The following KIAA1217 variants were observed in gnomAD, a reference collection of about 807,000 sequenced individuals.
KIAA1217 encodes KIAA1217, also known as sickle tail protein homolog.
A neutral mutation model predicts 163.9 loss-of-function variants in KIAA1217; 88 were observed. The observed-to-expected ratio is 0.54, with a 90% CI of 0.45 to 0.64. KIAA1217 has a LOEUF of 0.64. Among genes scored for constraint, KIAA1217 ranks in the 30% least tolerant of loss-of-function variants. The pLI is 0.00. For synonymous variants in KIAA1217, 903 were observed against 923.1 expected (o/e 0.98, Z 0.39); for missense variants, 2,372 against 2,475.0 (o/e 0.96, Z 0.88).
intron 1 of KIAA1217, among the ~76,000 whole-genome samples, chr10:24,217,607 A>C (rs1267225448): frequency 6.6e-6 from 1 of 152,208 alleles, no homozygotes; most frequent in Non-Finnish European, 1.5e-5. Flanking sequence ...TTCTATATAC[A>C]GATCTTTCTA....
At chr10:23,959,246 T>TA (rs1844712045) in intron 1 of KIAA1217, among the ~76,000 whole-genome samples, 1 of 152,084 alleles carries the variant, frequency 6.6e-6, no homozygotes, top group South Asian at 2.1e-4. Flanking sequence ...TAATAAAAGA[T>TA]ATGCTGGGCA....
In KIAA1217 at chr10:23,852,762, A is replaced by G. The variant is rs1240173763; in HGVS notation, c.-320-154463A>G. On this transcript the variant is annotated intron_variant, in intron 1 of 18. Coordinates refer to the KIAA1217 transcript ENST00000376462. ...TGTAAGTTGGATTCCTAGGTATTTTATTCTCTTTGAAGCAATTGTGAATGG... is the reference window on the plus strand; with the variant it reads ...TGTAAGTTGGATTCCTAGGTATTTTGTTCTCTTTGAAGCAATTGTGAATGG... Among the ~76,000 whole-genome samples, 5 of 152,136 alleles carry G rather than the reference A, an allele frequency of 3.3e-5. No homozygotes were observed. The East Asian group carries it at 9.7e-4, about 29-fold the overall frequency.
At chr10:24,395,097 G>A (rs2130905061) in intron 3 of KIAA1217, among the ~76,000 whole-genome samples, 1 of 152,300 alleles carries the variant, frequency 6.6e-6, no homozygotes, top group Non-Finnish European at 1.5e-5. Flanking sequence ...GGTTATTTCA[G>A]TGACCACCAT....
chr10:24,224,809 C>A (rs1192832797), intron 2 of KIAA1217, among the ~76,000 whole-genome samples: 1 of 147,390 alleles, frequency 6.8e-6, no homozygotes, highest in African/African-American at 2.5e-5. Flanking sequence ...TAAATTAGTA[C>A]TTAAAATCAT....
intron 1 of KIAA1217, among the ~76,000 whole-genome samples, chr10:23,796,217 T>C (rs1836194983): frequency 6.6e-6 from 1 of 152,286 alleles, no homozygotes. Flanking sequence ...ATGTCTGGGT[T>C]CTGAGAGTCT....
At chr10:23,787,235 A>G (rs2130915090) in intron 1 of KIAA1217, among the ~76,000 whole-genome samples, 1 of 152,322 alleles carries the variant, frequency 6.6e-6, no homozygotes, top group Non-Finnish European at 1.5e-5. Flanking sequence ...AGTGTGATAA[A>G]TACAAAAATC....
intron 2 of KIAA1217, among the ~76,000 whole-genome samples, chr10:24,245,237 A>T (rs1054575925): frequency 2.6e-5 from 4 of 152,158 alleles, no homozygotes; most frequent in Admixed American, 6.5e-5. Flanking sequence ...TCCTACTCTG[A>T]GTTTCACTAG....
At chr10:24,033,142 A>G (rs891538506) in intron 2 of KIAA1217, among the ~76,000 whole-genome samples, 2 of 152,266 alleles carry the variant, frequency 1.3e-5, no homozygotes, top group Admixed American at 6.5e-5. Context: ...CTTTTACAAT[A>G]TAGAAGCACA....
chr10:24,427,019 G>A (rs2059226742), intron 3 of KIAA1217, among the ~76,000 whole-genome samples: 1 of 152,188 alleles, frequency 6.6e-6, no homozygotes, highest in Non-Finnish European at 1.5e-5. Flanking sequence ...AGTGTGACCT[G>A]CCAACTGCAC....
intron 2 of KIAA1217, among the ~76,000 whole-genome samples, chr10:24,263,468 G>T (rs1359781779): frequency 2.6e-5 from 4 of 152,162 alleles, no homozygotes. Context: ...AGGACAGAAC[G>T]GCATGAATGA....
Position 24,544,413 on chromosome 10 carries a change from T to C in KIAA1217, c.5143T>C (p.Leu1715=). 1 of 1,614,072 alleles carries C rather than the reference T, an allele frequency of 6.2e-7. No homozygotes were observed. The highest frequency in any genetic ancestry group is 8.5e-7 in the Non-Finnish European group (1 of 1,179,984). ...AGCCCAAGAGGCCTCTCCCCGACCC[T>C]TGCTAGTTCCGGATGAAGGTCCCAC... ...HIAQEASPRP[L]LVPDEGPTAL... Residue 1715 remains leucine, a synonymous_variant, in exon 19 of 21, where the codon TTG becomes CTG. Coordinates refer to ENST00000376454, the MANE Select transcript of KIAA1217 (RefSeq NM_019590.5).
At chr10:23,853,736 G>T (rs1159787885) in intron 1 of KIAA1217, among the ~76,000 whole-genome samples, 1 of 152,170 alleles carries the variant, frequency 6.6e-6, no homozygotes, top group East Asian at 1.9e-4. Flanking sequence ...TCCTGGTTTA[G>T]TCTTGGGAGG....
chr10:24,224,288 A>G (rs746382091), intron 2 of KIAA1217, among the ~76,000 whole-genome samples: 7 of 152,160 alleles, frequency 4.6e-5, no homozygotes, highest in East Asian at 1.9e-4. Context: ...AGCCTTCACA[A>G]TATGCTAATT....
At chr10:24,212,578 A>G (rs926749007) in intron 1 of KIAA1217, among the ~76,000 whole-genome samples, 3 of 152,242 alleles carry the variant, frequency 2.0e-5, no homozygotes, top group Non-Finnish European at 4.4e-5. Flanking sequence ...AATCCAAATT[A>G]GATTTTTAAA....
intron 1 of KIAA1217, among the ~76,000 whole-genome samples, chr10:23,952,252 C>T (rs1844372262): frequency 6.6e-6 from 1 of 152,160 alleles, no homozygotes; most frequent in Non-Finnish European, 1.5e-5. Context: ...TTATCCTGGC[C>T]CACAGAACCA....
chr10:24,131,642 C>T (rs1180188000), intron 2 of KIAA1217, among the ~76,000 whole-genome samples: 1 of 152,120 alleles, frequency 6.6e-6, no homozygotes, highest in Admixed American at 6.5e-5. Flanking sequence ...TATTTGCCTA[C>T]AGGCCCGAGA....
intron 2 of KIAA1217, among the ~76,000 whole-genome samples, chr10:24,298,157 T>A (rs538203382): frequency 6.6e-6 from 1 of 152,344 alleles, no homozygotes; most frequent in South Asian, 2.1e-4. Flanking sequence ...AACTTTACTA[T>A]ACAGTAATGT....
At chr10:23,742,343 A>G (rs992606509) in intron 1 of KIAA1217, among the ~76,000 whole-genome samples, 2 of 152,192 alleles carry the variant, frequency 1.3e-5, no homozygotes, top group Non-Finnish European at 1.5e-5. Flanking sequence ...GATTGTTTTC[A>G]GGAGAAGGGG....
chr10:23,975,475 G>A (rs1316998029), intron 1 of KIAA1217, among the ~76,000 whole-genome samples: 1 of 152,246 alleles, frequency 6.6e-6, no homozygotes, highest in South Asian at 2.1e-4. Flanking sequence ...GAAAATAAAA[G>A]GTAAATAATG....
Sources: allele counts gnomAD v4.1 joint callset (sites outside exome capture counted in the v4.1 genomes callset), GRCh38; gene constraint gnomAD v4.1.1; transcripts MANE v1.5; gene names NCBI Gene and HGNC (gene_info 2026-07-23, HGNC 2026-07-21).